CCDC150: variants seen among roughly 807,000 people sequenced by gnomAD.
CCDC150 encodes the protein coiled-coil domain containing 150, also known as coiled-coil domain-containing protein 150.
In CCDC150, 151 loss-of-function variants were observed where a neutral mutation model predicts 156.5. The ratio of observed to expected loss-of-function variants is 0.97; its 90% confidence interval spans 0.85 to 1.10. CCDC150 has a LOEUF of 1.10. Ranked by LOEUF, CCDC150 falls within the 50% of genes least tolerant of loss-of-function variation. The probability of loss-of-function intolerance (pLI) is 0.00; values close to 1 mark genes in which losing one functional copy is unlikely to be tolerated. For synonymous variants in CCDC150, 452 were observed against 429.4 expected (o/e 1.05, Z -0.65); for missense variants, 1,312 against 1,268.1 (o/e 1.03, Z -0.53).
intron 13 of CCDC150, among the ~76,000 whole-genome samples, chr2:196,681,334 C>T (rs1323574004): frequency 2.6e-5 from 4 of 152,036 alleles, no homozygotes; most frequent in East Asian, 1.9e-4. Flanking sequence ...TGTATGTGCA[C>T]GCACACACAC....
intron 22 of CCDC150, among the ~76,000 whole-genome samples, chr2:196,728,844 G>A (rs1299299440): frequency 6.6e-6 from 1 of 152,126 alleles, no homozygotes; most frequent in Non-Finnish European, 1.5e-5. Flanking sequence ...CTGTTCAGAT[G>A]ATGAACCTGA....
intron 21 of CCDC150, among the ~76,000 whole-genome samples, chr2:196,722,368 T>A (rs1336715046): frequency 6.6e-6 from 1 of 152,016 alleles, no homozygotes; most frequent in Non-Finnish European, 1.5e-5. Flanking sequence ...CTCTACTTCC[T>A]GGGCTCATGC....
chr2:196,697,514 TA>T (rs1375834811), intron 14 of CCDC150, among the ~76,000 whole-genome samples: 4 of 152,182 alleles, frequency 2.6e-5, no homozygotes, highest in Non-Finnish European at 1.5e-5. Flanking sequence ...GACAGGAATA[TA>T]ATTCCCTGTA....
chr2:196,701,070 T>C (rs1158808463), intron 14 of CCDC150, 39 bp from the exon 15 acceptor site: 7 of 1,351,944 alleles, frequency 5.2e-6, no homozygotes, highest in Non-Finnish European at 7.2e-6. Context: ...TATTCCTTTC[T>C]ATGCCTAGAG....
chr2:196,700,919 C>T (rs944214053), intron 14 of CCDC150, among the ~76,000 whole-genome samples, 190 bp from the exon 15 acceptor site: 4 of 152,310 alleles, frequency 2.6e-5, no homozygotes, highest in Non-Finnish European at 2.9e-5. Flanking sequence ...TATTAGCAGT[C>T]TCTGTACATG....
At chr2:196,711,760 C>T (rs1697130242) in intron 15 of CCDC150, among the ~76,000 whole-genome samples, 1 of 152,102 alleles carries the variant, frequency 6.6e-6, no homozygotes, top group South Asian at 2.1e-4. Flanking sequence ...TGCACATTGA[C>T]AGTTCTAATT....
chr2:196,671,034 G>A (rs2125606395), intron 8 of CCDC150, among the ~76,000 whole-genome samples: 1 of 152,208 alleles, frequency 6.6e-6, no homozygotes, highest in East Asian at 1.9e-4. Flanking sequence ...CCATATTACA[G>A]TTGATGAACC....
chr2:196,712,718 G>A lies in CCDC150; in HGVS notation c.1845G>A (p.Gln615=). 1 of 1,610,994 alleles carries A rather than the reference G, an allele frequency of 6.2e-7. No homozygotes were observed. Among genetic ancestry groups the A allele is most frequent in the Non-Finnish European group, 8.5e-7 (1 of 1,178,478 alleles). Residue 615 remains glutamine (Q), a synonymous_variant, in exon 17 of 28, where the codon CAG becomes CAA. Coordinates refer to ENST00000389175, the MANE Select transcript of CCDC150 (RefSeq NM_001080539.2). ...GTGCCAAGAGGGTACACCTGCAGCA[G>A]GCAGATGCTCACCTGAAAGAAGTAT... ...ELSAKRVHLQ[Q]ADAHLKEVKS...
rs1575783993 is a variant in CCDC150 at position 196,665,315 on chromosome 2, G to C, written c.646-252G>C. On this transcript the variant is annotated intron_variant, in intron 5 of 27. Transcript: ENST00000389175. ...TGAGTGCTTCTTTCAATTTACTAAT[G>C]GATTTTGACCTCCAGTTTAGAAAAC... 2.0e-5 allele frequency among the ~76,000 whole-genome samples: 3 copies of C among 151,920 alleles called. No homozygotes were observed. The East Asian group carries it at 5.8e-4, about 29-fold the overall frequency.
Position 196,646,398 on chromosome 2 carries a change from A to T in CCDC150, c.70A>T (p.Thr24Ser). 6.2e-7 allele frequency: 1 copy of T among 1,613,878 alleles called. No homozygotes were observed. The highest frequency in any genetic ancestry group is 1.7e-5 in the Admixed American group (1 of 60,022). The change falls in exon 2 of 28, where the codon ACA becomes TCA. Residue 24 changes from threonine (T) to serine (S), a missense_variant. Coordinates refer to ENST00000389175, the MANE Select transcript of CCDC150 (RefSeq NM_001080539.2). ...PVLSPTHINATASETFTVLQQ... is the reference protein window; with the variant it reads ...PVLSPTHINASASETFTVLQQ... ...CCTTTCTCCAACCCACATCAACGCT[A>T]CAGCTTCTGAAACATTCACAGTACT...
At chr2:196,700,370 C>T (rs370194898) in intron 14 of CCDC150, among the ~76,000 whole-genome samples, 20 of 152,300 alleles carry the variant, frequency 1.3e-4, no homozygotes, top group East Asian at 7.7e-4. Flanking sequence ...AGATATAACA[C>T]TGGCATTGAT....
intron 9 of CCDC150, among the ~76,000 whole-genome samples, chr2:196,672,690 C>T (rs1694276506): frequency 6.6e-6 from 1 of 152,088 alleles, no homozygotes; most frequent in African/African-American, 2.4e-5. Context: ...TACACTTTGC[C>T]TTTGCTTGCT....
In CCDC150 at chr2:196,729,316, A is replaced by G; in HGVS notation, c.2680A>G (p.Asn894Asp). The G allele has an allele frequency of 6.2e-7, 1 of 1,613,930 alleles. No individual in the cohort carries two copies. The highest frequency in any genetic ancestry group is 8.5e-7 in the Non-Finnish European group (1 of 1,179,864). ...AGAAAGTAACAAGGAGAAAATAAAGAATCAAAAGACCCAAATTAAGCTCCA... is the reference window on the plus strand; with the variant it reads ...AGAAAGTAACAAGGAGAAAATAAAGGATCAAAAGACCCAAATTAAGCTCCA... The part of the protein sequence containing the change: ...ILESNKEKIK[N>D]QKTQIKLHLS... The change falls in exon 23 of 28, where the codon AAT becomes GAT. Residue 894 changes from asparagine (N) to aspartate (D), a missense_variant. Asn to Asp is a conservative substitution (Grantham distance 23). Transcript: ENST00000389175.
intron 2 of CCDC150, among the ~76,000 whole-genome samples, chr2:196,653,690 C>A (rs968421081): frequency 2.0e-5 from 3 of 152,148 alleles, no homozygotes; most frequent in African/African-American, 7.2e-5. Flanking sequence ...TTCTTCTGAG[C>A]CCTCCAAACT....
At chr2:196,692,356 G>A (rs1252988660) in intron 13 of CCDC150, among the ~76,000 whole-genome samples, 1 of 150,524 alleles carries the variant, frequency 6.6e-6, no homozygotes, top group African/African-American at 2.4e-5. Flanking sequence ...GGATGGTCTC[G>A]ATCTCCTGAC....
Position 196,718,636 on chromosome 2 carries a change from G to GGAATCA in CCDC150, c.1995+7_1995+12dup. 1 of 1,612,852 alleles carries GGAATCA rather than the reference G, an allele frequency of 6.2e-7. No homozygotes were observed. The highest frequency in any genetic ancestry group is 8.5e-7 in the Non-Finnish European group (1 of 1,179,234). The stretch of plus-strand genomic sequence containing the variant: ...GAGGACAGGGAAAACAAGAAGGCAA[G>GGAATCA]GAATCAGTCCCTTCTGACCGTCTGT... On this transcript the variant is annotated splice_donor_region_variant and intron_variant, in intron 18 of 27. Transcript: ENST00000389175.
chr2:196,676,835 A>AT (rs1694534353), intron 12 of CCDC150, 104 bp downstream of exon 12: 2 of 1,004,050 alleles, frequency 2.0e-6, no homozygotes, highest in Non-Finnish European at 3.0e-6. Context: ...ACCCAGATGC[A>AT]GTTTGTCTGA....
In CCDC150 at chr2:196,685,831, G is replaced by A. The variant is rs1006867921; in HGVS notation, c.1509+8470G>A. On this transcript the variant is annotated intron_variant, in intron 13 of 27. Coordinates refer to ENST00000389175, the MANE Select transcript of CCDC150 (RefSeq NM_001080539.2). Reference sequence around the variant, plus strand: ...GGTTTCACCTTGTTATCCAGGGATGGTCTTGATCTCCTGACCTCGTGATCC... The same window carrying A: ...GGTTTCACCTTGTTATCCAGGGATGATCTTGATCTCCTGACCTCGTGATCC... Among the ~76,000 whole-genome samples, 16 of 152,068 alleles carry A rather than the reference G, an allele frequency of 1.1e-4. No homozygotes were observed. In the Middle Eastern group the frequency reaches 0.014, roughly 130 times the overall value.
intron 15 of CCDC150, among the ~76,000 whole-genome samples, chr2:196,710,796 A>G (rs1697057189): frequency 6.6e-6 from 1 of 152,238 alleles, no homozygotes; most frequent in African/African-American, 2.4e-5. Context: ...ATTCAGCAAA[A>G]TAGTTAACTG....
Sources: gnomAD v4.1 joint callset for allele counts (sites outside exome capture counted in the v4.1 genomes callset) on GRCh38, gnomAD v4.1.1 for gene constraint, MANE v1.5 for transcripts, NCBI Gene and HGNC (gene_info 2026-07-23, HGNC 2026-07-21) for gene names.